NTN1: variants seen among roughly 807,000 people sequenced by gnomAD.
NTN1 encodes the protein netrin 1.
In NTN1, 11 loss-of-function variants were observed where a neutral mutation model predicts 54.2. The observed-to-expected ratio is 0.20, with a 90% confidence interval of 0.13 to 0.34. The LOEUF (loss-of-function observed/expected upper bound fraction) is 0.34, where lower values mean the gene tolerates loss of function less well. Ranked by LOEUF, NTN1 falls within the 10% of genes least tolerant of loss-of-function variation. The pLI is 1.00. For missense variants in NTN1, 740 were observed against 893.1 expected, an observed-to-expected ratio of 0.83 and a Z score of 2.18; for synonymous variants, 371 against 382.0, an observed-to-expected ratio of 0.97 and a Z score of 0.33.
intron 2 of NTN1, among the ~76,000 whole-genome samples, chr17:9,097,401 A>G (rs938141952): frequency 2.0e-5 from 3 of 152,084 alleles, no homozygotes; most frequent in East Asian, 3.9e-4. Context: ...GAGGTGGGCA[A>G]ATCACGAGGT....
chr17:9,147,719 G>T (rs1010885996), intron 2 of NTN1, among the ~76,000 whole-genome samples: 1 of 152,026 alleles, frequency 6.6e-6, no homozygotes, highest in African/African-American at 2.4e-5. Context: ...GTCCCCCAGG[G>T]GTGGCCCATT....
chr17:9,155,338 T>A (rs1196232356), intron 2 of NTN1, among the ~76,000 whole-genome samples: 4 of 121,530 alleles, frequency 3.3e-5, no homozygotes, highest in African/African-American at 9.5e-5. Flanking sequence ...GCTTTCTTTT[T>A]CTTTTTTGTT....
At chr17:9,136,549 C>A (rs2142275584) in intron 2 of NTN1, among the ~76,000 whole-genome samples, 1 of 152,206 alleles carries the variant, frequency 6.6e-6, no homozygotes. Flanking sequence ...TGCACTCCAG[C>A]CTGGGCAACA....
chr17:9,181,899 T>C (rs767080574), intron 4 of NTN1, among the ~76,000 whole-genome samples: 15 of 152,210 alleles, frequency 9.9e-5, no homozygotes, highest in Non-Finnish European at 1.9e-4. Context: ...CAGTGGGGAC[T>C]GGCTGAACCG....
intron 6 of NTN1, among the ~76,000 whole-genome samples, chr17:9,232,251 C>T (rs1441520520): frequency 6.6e-6 from 1 of 152,196 alleles, no homozygotes; most frequent in Non-Finnish European, 1.5e-5. Context: ...GAGGCAGCAG[C>T]CTGCATCCCG....
In NTN1 at chr17:9,242,474, C is replaced by G. The variant is rs1260475155; in HGVS notation, c.*2506C>G. The G allele has an allele frequency of 6.6e-6, 1 of 152,316 alleles. No individual in the cohort carries two copies. Among genetic ancestry groups the G allele is most frequent in the Non-Finnish European group, 1.5e-5 (1 of 68,098 alleles). 9.4% of individuals were successfully genotyped at this position (152,316 alleles called of 1,614,324 possible). ...AGGGCTGTGGCAGCCCCACGATATC[C>G]CACCCTGGGTCTGGGTCTCACGGGT... On this transcript the variant is annotated 3_prime_UTR_variant, in exon 7 of 7. Transcript: ENST00000173229.
At chr17:9,111,696 T>C (rs1211354220) in intron 2 of NTN1, among the ~76,000 whole-genome samples, 1 of 152,244 alleles carries the variant, frequency 6.6e-6, no homozygotes, top group Non-Finnish European at 1.5e-5. Flanking sequence ...TTTTGCATGT[T>C]ATATGTATTA....
chr17:9,124,817 G>T (rs887444186), intron 2 of NTN1, among the ~76,000 whole-genome samples: 2 of 152,178 alleles, frequency 1.3e-5, no homozygotes, highest in African/African-American at 4.8e-5. Flanking sequence ...TTTACACCCC[G>T]ATCTGCCTCT....
intron 2 of NTN1, among the ~76,000 whole-genome samples, chr17:9,154,217 C>T (rs1047430623): frequency 2.0e-5 from 3 of 152,232 alleles, no homozygotes; most frequent in African/African-American, 7.2e-5. Flanking sequence ...CAGACCTTAG[C>T]ATGCCCAGGT....
At chr17:9,042,867 A>G (rs1431114180) in intron 2 of NTN1, among the ~76,000 whole-genome samples, 1 of 152,044 alleles carries the variant, frequency 6.6e-6, no homozygotes, top group Non-Finnish European at 1.5e-5. Flanking sequence ...TTAACCTTAT[A>G]AAATGAAGTG....
chr17:9,162,664 G>A (rs1167435875), intron 2 of NTN1, 149 bp from the exon 3 acceptor site: 8 of 731,324 alleles, frequency 1.1e-5, no homozygotes, highest in East Asian at 5.0e-5. Context: ...AGGAGGAGCC[G>A]AGGAGGAGCT....
rs1413196858 is a variant in NTN1 at position 9,242,937 on chromosome 17, A to G, written c.*2969A>G. Reference sequence around the variant, plus strand: ...TTAGGAAGGGATGTAAAACGGAACTAGATTTTGATTTTGAAGAGTGTATTA... The same window carrying G: ...TTAGGAAGGGATGTAAAACGGAACTGGATTTTGATTTTGAAGAGTGTATTA... On this transcript the variant is annotated 3_prime_UTR_variant, in exon 7 of 7. Coordinates refer to ENST00000173229, the MANE Select transcript of NTN1 (RefSeq NM_004822.3). 2 of 152,228 alleles carry G rather than the reference A, an allele frequency of 1.3e-5. No individual in the cohort carries two copies. The highest frequency in any genetic ancestry group is 1.3e-4 in the Admixed American group (2 of 15,284). The allele number at this position is 152,228 out of a possible 1,614,324, so 9.4% of individuals were successfully genotyped here.
intron 5 of NTN1, among the ~76,000 whole-genome samples, chr17:9,218,042 T>TC (rs1182148074): frequency 6.6e-6 from 1 of 152,152 alleles, no homozygotes; most frequent in Non-Finnish European, 1.5e-5. Flanking sequence ...GTGGAGACTG[T>TC]CCCCATCTCT....
intron 5 of NTN1, among the ~76,000 whole-genome samples, chr17:9,193,920 T>TAAAAAAAAAAAAAAAA (rs71361871): frequency 1.1e-4 from 5 of 44,898 alleles, no homozygotes; most frequent in African/African-American, 2.2e-4. Flanking sequence ...AAACTCCGAC[T>TAAAAAAAAAAAAAAAA]AAAAAAAAAA....
At chr17:9,193,593 C>A (rs898912581) in intron 5 of NTN1, among the ~76,000 whole-genome samples, 5 of 152,162 alleles carry the variant, frequency 3.3e-5, no homozygotes, top group South Asian at 4.2e-4. Context: ...CCCCAAATGT[C>A]TCCTCACAGC....
chr17:9,182,975 C>T lies in NTN1; in HGVS notation c.1411+6C>T, dbSNP rs201184786. On this transcript the variant is annotated splice_donor_region_variant and intron_variant, in intron 5 of 6. Transcript: ENST00000173229. ...CAGCGTGGAGGAGCCTGAAGGTAAA[C>T]GGCCCCCTTCGCTTCTCATTTCCCG... 67 of 1,613,778 alleles carry T rather than the reference C, an allele frequency of 4.2e-5. No homozygotes were observed. The East Asian group carries it at 1.1e-3, about 27-fold the overall frequency.
chr17:9,212,997 C>T lies in NTN1; in HGVS notation c.1412-8171C>T, dbSNP rs941069292. ...GGCACCTGGGGCACAGGAGGCAGAC[C>T]AGAGGGGCCAGCTACCCAAGGTGGA... On this transcript the variant is annotated intron_variant, in intron 5 of 6. Coordinates refer to ENST00000173229, the MANE Select transcript of NTN1 (RefSeq NM_004822.3). The surrounding 1 kb of genome is among the most constrained non-coding windows in gnomAD (Gnocchi z 5.5). Among the ~76,000 whole-genome samples, 22 of 152,226 alleles carry T rather than the reference C, an allele frequency of 1.4e-4. No individual in the cohort carries two copies. The highest frequency in any genetic ancestry group is 3.3e-4 in the Admixed American group (5 of 15,288).
intron 2 of NTN1, among the ~76,000 whole-genome samples, chr17:9,068,374 G>A (rs1355739830): frequency 1.3e-5 from 2 of 152,024 alleles, no homozygotes; most frequent in Non-Finnish European, 2.9e-5. Context: ...TTGTAGAGAC[G>A]AGGTCCTACT....
chr17:9,081,096 T>A (rs979167740), intron 2 of NTN1, among the ~76,000 whole-genome samples: 4 of 152,208 alleles, frequency 2.6e-5, no homozygotes, highest in African/African-American at 7.2e-5. Flanking sequence ...TCAGAAGTGC[T>A]GGGGGCAGTC....
Sources: gnomAD v4.1 joint callset for allele counts (sites outside exome capture counted in the v4.1 genomes callset) on GRCh38, gnomAD v4.1.1 for gene constraint, Gnocchi (gnomAD v3.1) non-coding constraint, MANE v1.5 for transcripts, NCBI Gene and HGNC (gene_info 2026-07-23, HGNC 2026-07-21) for gene names.